CTNND2: variants seen among roughly 807,000 people sequenced by gnomAD.
CTNND2 encodes the protein catenin delta 2.
Under a neutral mutation model 144.4 loss-of-function variants are expected in CTNND2, and 22 were observed. That is an observed-to-expected ratio of 0.15 (90% confidence interval 0.11 to 0.22). CTNND2 has a LOEUF of 0.22. Among genes scored for constraint, CTNND2 ranks in the 10% least tolerant of loss-of-function variants. CTNND2 has a pLI of 1.00. For synonymous variants in CTNND2, 751 were observed against 695.6 expected (o/e 1.08, Z -1.25); for missense variants, 1,353 against 1,618.8 (o/e 0.84, Z 2.82).
At chr5:11,142,707 G>A (rs368012602) in intron 12 of CTNND2, among the ~76,000 whole-genome samples, 396 of 149,648 alleles carry the variant, frequency 2.6e-3, no homozygotes, top group African/African-American at 5.3e-3. Flanking sequence ...TCCGCCTCCC[G>A]GGTTCACGCC....
chr5:11,386,263 C>A (rs552000729), intron 6 of CTNND2, among the ~76,000 whole-genome samples: 3 of 152,062 alleles, frequency 2.0e-5, no homozygotes, highest in African/African-American at 7.2e-5. Context: ...TAGGATTGTA[C>A]ACAGAGTTGG....
At chr5:10,991,179 C>T (rs969165663) in intron 19 of CTNND2, among the ~76,000 whole-genome samples, 4 of 152,268 alleles carry the variant, frequency 2.6e-5, no homozygotes, top group East Asian at 3.9e-4. Context: ...GAGCTGGGAG[C>T]GGGCCATTTA....
intron 3 of CTNND2, among the ~76,000 whole-genome samples, chr5:11,483,812 G>T (rs1463477085): frequency 6.6e-6 from 1 of 152,194 alleles, no homozygotes; most frequent in Non-Finnish European, 1.5e-5. Context: ...ACTCCCAGGA[G>T]TATACTGGAA....
chr5:11,553,309 C>T (rs1775929452), intron 3 of CTNND2, among the ~76,000 whole-genome samples: 1 of 152,180 alleles, frequency 6.6e-6, no homozygotes, highest in African/African-American at 2.4e-5. Context: ...GTTGTCTAGA[C>T]TATATTATGA....
chr5:11,364,875 G>A lies in CTNND2; in HGVS notation c.1193C>T (p.Ser398Leu). 1 of 1,612,014 alleles carries A rather than the reference G, an allele frequency of 6.2e-7. No homozygotes were observed. The highest frequency in any genetic ancestry group is 8.5e-7 in the Non-Finnish European group (1 of 1,179,102). ...PGSLAAGSRA[S>L]YSSQHGHLGP... ...CAGGTGCCCATGCTGGCTGCTGTATGAGGCTCGGGAACCAGCTGAAATAAA... is the reference window on the plus strand; with the variant it reads ...CAGGTGCCCATGCTGGCTGCTGTATAAGGCTCGGGAACCAGCTGAAATAAA... The change falls in exon 8 of 22, where the codon TCA (serine) becomes TTA (leucine). Residue 398 changes from serine (S) to leucine (L), a missense_variant. Physicochemically the swap from Ser to Leu is moderately radical, Grantham distance 145. Transcript: ENST00000304623.
At chr5:11,736,672 C>A (rs1272403020) in intron 1 of CTNND2, among the ~76,000 whole-genome samples, 1 of 152,116 alleles carries the variant, frequency 6.6e-6, no homozygotes, top group Non-Finnish European at 1.5e-5. Flanking sequence ...ATACGTCAGT[C>A]TTAATCACAG....
At chr5:11,340,792 G>A (rs896724518) in intron 9 of CTNND2, among the ~76,000 whole-genome samples, 3 of 152,076 alleles carry the variant, frequency 2.0e-5, no homozygotes, top group Non-Finnish European at 4.4e-5. Context: ...GTCAGATTTG[G>A]GTTCTGTTTC....
At chr5:11,551,425 CTTTTTTCTTTTT>C (rs1476540282) in intron 3 of CTNND2, among the ~76,000 whole-genome samples, 8 of 110,888 alleles carry the variant, frequency 7.2e-5, no homozygotes, top group African/African-American at 2.9e-4. Flanking sequence ...TATGCTTTTT[CTTTTTTCTTTTT>C]TTTTTTTTTT....
At chr5:11,842,569 A>T (rs1308759932) in intron 1 of CTNND2, among the ~76,000 whole-genome samples, 1 of 151,928 alleles carries the variant, frequency 6.6e-6, no homozygotes, top group Non-Finnish European at 1.5e-5. Context: ...AATACAAAAA[A>T]TTAGCCGGGC....
rs763265193 is a variant in CTNND2, at chr5:11,707,960, C to T, written c.174+24176G>A. On this transcript the variant is annotated intron_variant, in intron 2 of 21. Transcript: ENST00000304623. ...TCCACTCCTAAATTTCTGCATTTTGCTAATTGTAGGATATTAGCTATGATG... is the reference window on the plus strand; with the variant it reads ...TCCACTCCTAAATTTCTGCATTTTGTTAATTGTAGGATATTAGCTATGATG... Among the ~76,000 whole-genome samples, 6 of 152,032 alleles carry T rather than the reference C, an allele frequency of 3.9e-5. No individual in the cohort carries two copies. In the East Asian group the frequency reaches 1.2e-3, roughly 29 times the overall value.
chr5:11,794,255 A>T (rs1389054827), intron 1 of CTNND2, among the ~76,000 whole-genome samples: 1 of 152,240 alleles, frequency 6.6e-6, no homozygotes, highest in Non-Finnish European at 1.5e-5. Flanking sequence ...ACTAAGCACC[A>T]TCTACTGTCC....
At chr5:11,009,625 T>C (rs1740846010) in intron 18 of CTNND2, among the ~76,000 whole-genome samples, 3 of 152,240 alleles carry the variant, frequency 2.0e-5, no homozygotes, top group African/African-American at 7.2e-5. Flanking sequence ...GATTCTGCCT[T>C]TTGTCTCTGG....
intron 15 of CTNND2, among the ~76,000 whole-genome samples, chr5:11,086,078 G>T (rs2149642605): frequency 6.6e-6 from 1 of 152,260 alleles, no homozygotes; most frequent in South Asian, 2.1e-4. Context: ...GGGTGTGTAG[G>T]TTAGCTGAGG....
chr5:11,142,946 C>G (rs1756887186), intron 12 of CTNND2, among the ~76,000 whole-genome samples: 1 of 152,110 alleles, frequency 6.6e-6, no homozygotes, highest in Non-Finnish European at 1.5e-5. Context: ...ACATCATACC[C>G]TCAGTTTATT....
At chr5:11,084,022 G>T in intron 15 of CTNND2, 1 of 903,896 alleles carries the variant, frequency 1.1e-6, no homozygotes, top group Non-Finnish European at 1.4e-6. Flanking sequence ...CATTCACACA[G>T]TTTCTTATCA....
chr5:10,989,065 T>C (rs1738366380), intron 19 of CTNND2, among the ~76,000 whole-genome samples: 1 of 152,096 alleles, frequency 6.6e-6, no homozygotes, highest in Non-Finnish European at 1.5e-5. Flanking sequence ...AAACTGGTAC[T>C]AGAAGAGAGG....
chr5:11,554,103 C>G (rs1290585007), intron 3 of CTNND2, among the ~76,000 whole-genome samples: 1 of 152,002 alleles, frequency 6.6e-6, no homozygotes, highest in African/African-American at 2.4e-5. Flanking sequence ...AATATGATGA[C>G]TGGTATTTTA....
intron 2 of CTNND2, among the ~76,000 whole-genome samples, chr5:11,655,687 TATTG>T (rs143414612): frequency 0.13 from 19,932 of 152,036 alleles, 1,335 homozygotes; most frequent in East Asian, 0.16. Context: ...GCTTTGCTTA[TATTG>T]ATTGATTATT....
intron 11 of CTNND2, among the ~76,000 whole-genome samples, chr5:11,166,396 G>A (rs1001349383): frequency 4.7e-5 from 7 of 148,444 alleles, no homozygotes; most frequent in Admixed American, 4.6e-4. Context: ...CTACAGGCGT[G>A]CACCACCACG....
Sources: allele counts gnomAD v4.1 joint callset (sites outside exome capture counted in the v4.1 genomes callset), GRCh38; gene constraint gnomAD v4.1.1; transcripts MANE v1.5; gene names NCBI Gene and HGNC (gene_info 2026-07-23, HGNC 2026-07-21).